The following IL10RB variants were observed in gnomAD, a reference collection of about 807,000 sequenced individuals.
IL10RB encodes interleukin-10 receptor subunit beta.
In IL10RB, 30 loss-of-function variants were observed where a neutral mutation model predicts 38.7. That is an observed-to-expected ratio of 0.78 (90% CI 0.58 to 1.05). The LOEUF (loss-of-function observed/expected upper bound fraction) is 1.05. IL10RB is among the 50% of genes least tolerant of loss of function. IL10RB has a pLI of 0.00. For synonymous variants in IL10RB, 142 were observed against 145.9 expected, an observed-to-expected ratio of 0.97 and a Z score of 0.19; for missense variants, 328 against 397.1, an observed-to-expected ratio of 0.83 and a Z score of 1.48.
intron 5 of IL10RB, among the ~76,000 whole-genome samples, chr21:33,284,571 A>C: frequency 6.6e-6 from 1 of 152,174 alleles, no homozygotes; most frequent in Non-Finnish European, 1.5e-5. Flanking sequence ...TGTTGCCCTC[A>C]TCCAGATCTC....
intron 1 of IL10RB, among the ~76,000 whole-genome samples, chr21:33,303,119 G>A (rs1231713594): frequency 6.6e-6 from 1 of 152,108 alleles, no homozygotes; most frequent in Non-Finnish European, 1.5e-5. Flanking sequence ...GGGGAGCCAC[G>A]AAGACATTGT....
intron 1 of IL10RB, among the ~76,000 whole-genome samples, chr21:33,302,789 CCAT>C (rs1186321503): frequency 6.6e-6 from 1 of 152,192 alleles, no homozygotes. Flanking sequence ...TATTACACCA[CCAT>C]GGTATACTGT....
At chr21:33,279,072 T>C (rs888708398) in intron 3 of IL10RB, among the ~76,000 whole-genome samples, 1 of 152,198 alleles carries the variant, frequency 6.6e-6, no homozygotes, top group African/African-American at 2.4e-5. Context: ...AATAAATAGA[T>C]ACATATTACA....
At chr21:33,302,607 A>G (rs1482672142) in intron 1 of IL10RB, among the ~76,000 whole-genome samples, 1 of 152,216 alleles carries the variant, frequency 6.6e-6, no homozygotes, top group Non-Finnish European at 1.5e-5. Flanking sequence ...GAGTGATGAC[A>G]ATAAAGTCTA....
chr21:33,271,325 G>A (rs925702922), intron 2 of IL10RB, among the ~76,000 whole-genome samples: 3 of 152,144 alleles, frequency 2.0e-5, no homozygotes, highest in Non-Finnish European at 4.4e-5. Flanking sequence ...TTCAGAGGAT[G>A]TACTGGTGAT....
At chr21:33,277,971 C>T (rs1989206933) in intron 3 of IL10RB, among the ~76,000 whole-genome samples, 3 of 149,158 alleles carry the variant, frequency 2.0e-5, no homozygotes, top group African/African-American at 7.4e-5. Flanking sequence ...CCACACTTGT[C>T]CTTGAGCCCA....
intron 1 of IL10RB, among the ~76,000 whole-genome samples, chr21:33,303,457 C>T (rs1173933497): frequency 1.3e-5 from 2 of 149,684 alleles, no homozygotes; most frequent in African/African-American, 4.9e-5. Context: ...CGGGTTCAAG[C>T]GATTCTCCTG....
At chr21:33,268,112 C>T in intron 1 of IL10RB, 1 of 754,496 alleles carries the variant, frequency 1.3e-6, no homozygotes, top group Non-Finnish European at 2.0e-6. Flanking sequence ...TATCTGAAAT[C>T]CATGTGCCCA....
At chr21:33,285,306 A>C (rs1975908659) in intron 5 of IL10RB, among the ~76,000 whole-genome samples, 1 of 152,234 alleles carries the variant, frequency 6.6e-6, no homozygotes, top group Non-Finnish European at 1.5e-5. Context: ...AGGCTCATTC[A>C]TCTAAGCCCA....
chr21:33,286,436 G>A (rs1234908743), intron 5 of IL10RB, among the ~76,000 whole-genome samples: 1 of 152,208 alleles, frequency 6.6e-6, no homozygotes, highest in East Asian at 1.9e-4. Context: ...GGAGGGACCT[G>A]GAGCCGAACA....
chr21:33,279,765 C>T lies in IL10RB; in HGVS notation c.345C>T (p.Pro115=), dbSNP rs1179413030. The T allele has an allele frequency of 1.9e-6, 3 of 1,613,674 alleles. No individual in the cohort carries two copies. In the African/African-American group the frequency reaches 4.0e-5, roughly 22 times the overall value. ...FCPVDDTIIG[P]PGMQVEVLAD... is the part of the protein sequence containing the mutation. ...TCTTCTGCTTAGCCATTATTGGACC[C>T]CCTGGAATGCAAGTAGAAGTACTTG... Residue 115 remains proline (P), a synonymous_variant, in exon 4 of 7, where the codon CCC becomes CCT. Coordinates refer to ENST00000290200, the MANE Select transcript of IL10RB (RefSeq NM_000628.5).
intron 6 of IL10RB, among the ~76,000 whole-genome samples, chr21:33,294,390 C>CGTGTGTGT (rs34889428): frequency 1.3e-5 from 2 of 148,892 alleles, no homozygotes; most frequent in African/African-American, 4.9e-5. Flanking sequence ...TGTGTGTGTG[C>CGTGTGTGT]GTGTGTGTGT....
At chr21:33,271,639 A>C (rs1989082299) in intron 2 of IL10RB, among the ~76,000 whole-genome samples, 1 of 151,966 alleles carries the variant, frequency 6.6e-6, no homozygotes, top group African/African-American at 2.4e-5. Flanking sequence ...GAGGCAGGAG[A>C]ATCACTTGAA....
At chr21:33,302,250 G>T (rs2843705) in intron 1 of IL10RB, among the ~76,000 whole-genome samples, 4,598 of 152,348 alleles carry the variant, frequency 0.03, 95 homozygotes, top group Non-Finnish European at 0.049. Context: ...GACTTTCAGC[G>T]ATTCCCTGCT....
At chr21:33,300,256 A>G (rs370850083), downstream of IL10RB, among the ~76,000 whole-genome samples, 1 of 152,144 alleles carries the variant, frequency 6.6e-6, no homozygotes, top group Non-Finnish European at 1.5e-5. Context: ...CCTGGTTAAC[A>G]TGGTGATACC....
At chr21:33,290,698 C>T (rs1280077403) in intron 6 of IL10RB, among the ~76,000 whole-genome samples, 2 of 152,208 alleles carry the variant, frequency 1.3e-5, no homozygotes, top group African/African-American at 4.8e-5. Context: ...TCCAAGCTGG[C>T]GCCTCCCCTG....
At chr21:33,302,966 C>A (rs2082989529) in intron 1 of IL10RB, among the ~76,000 whole-genome samples, 1 of 152,202 alleles carries the variant, frequency 6.6e-6, no homozygotes, top group Admixed American at 6.5e-5. Context: ...GCACTGCAGT[C>A]CCTGGAGGGA....
At chr21:33,301,365 T>C (rs1234303910), downstream of IL10RB, among the ~76,000 whole-genome samples, 1 of 152,192 alleles carries the variant, frequency 6.6e-6, no homozygotes, top group Non-Finnish European at 1.5e-5. Context: ...GAACTCTTAA[T>C]TAAACAGCCA....
At position 33,296,225 on chromosome 21, in the gene IL10RB, C is replaced by T. The variant is rs531666376; in HGVS notation, c.846C>T (p.Ser282=). Residue 282 remains serine (S), a synonymous_variant, in exon 7 of 7, where the codon TCC becomes TCT. Transcript: ENST00000290200. Reference sequence around the variant, plus strand: ...ATCATAACACACTTCTGTTTTTCTCCTTTCCATTGTCGGATGAGAATGATG... The same window carrying T: ...ATCATAACACACTTCTGTTTTTCTCTTTTCCATTGTCGGATGAGAATGATG... ...HPHHNTLLFF[S]FPLSDENDVF... is the part of the protein sequence containing the mutation. 1.2e-6 allele frequency: 2 copies of T among 1,614,020 alleles called. No homozygotes were observed. Among genetic ancestry groups the T allele is most frequent in the Non-Finnish European group, 1.7e-6 (2 of 1,179,986 alleles).
Sources: gnomAD v4.1 joint callset for allele counts (sites outside exome capture counted in the v4.1 genomes callset) on GRCh38, gnomAD v4.1.1 for gene constraint, MANE v1.5 for transcripts, NCBI Gene and HGNC (gene_info 2026-07-23, HGNC 2026-07-21) for gene names.